RBFOX1: variants seen among roughly 807,000 people sequenced by gnomAD.
RBFOX1 encodes RNA binding protein fox-1 homolog 1.
A neutral mutation model predicts 57.7 loss-of-function variants in RBFOX1; 8 were observed. The ratio of observed to expected loss-of-function variants is 0.14; its 90% CI spans 0.08 to 0.25. The LOEUF (loss-of-function observed/expected upper bound fraction) is 0.25, where lower values mean the gene tolerates loss of function less well. RBFOX1 is among the 10% of genes least tolerant of loss of function. The probability of loss-of-function intolerance (pLI) is 1.00; values close to 1 mark genes in which losing one functional copy is unlikely to be tolerated. For missense variants in RBFOX1, 611 were observed against 548.5 expected, an observed-to-expected ratio of 1.11 and a Z score of -1.14; for synonymous variants, 326 against 222.4, an observed-to-expected ratio of 1.47 and a Z score of -4.15.
intron 4 of RBFOX1, among the ~76,000 whole-genome samples, chr16:7,212,246 C>G (rs959620947): frequency 1.3e-5 from 2 of 152,176 alleles, no homozygotes; most frequent in African/African-American, 2.4e-5. Context: ...GAAGCACAAG[C>G]TACTAAATTT....
Position 7,508,571 on chromosome 16 carries a change from TCA to T in RBFOX1, c.28-9574_28-9573del, listed in dbSNP as rs373476476. ...CTGAAAGGGCTGCTTGTTTTAACTC[TCA>T]CTCTGTGATGCATTGCAGAGATCCC... is the stretch of plus-strand genomic sequence containing the variant. On this transcript the variant is annotated intron_variant, in intron 4 of 15. Transcript: ENST00000550418. 1.5e-4 allele frequency among the ~76,000 whole-genome samples: 23 copies of T among 152,264 alleles called. No homozygotes were observed. The East Asian group carries it at 4.3e-3, about 28-fold the overall frequency.
chr16:6,027,837 A>T (rs1014203801), intron 1 of RBFOX1, among the ~76,000 whole-genome samples: 3 of 152,202 alleles, frequency 2.0e-5, no homozygotes, highest in Non-Finnish European at 4.4e-5. Context: ...AAGGGGGAAG[A>T]ACCCAGCGTA....
intron 4 of RBFOX1, among the ~76,000 whole-genome samples, chr16:7,130,055 C>G (rs1373333157): frequency 1.5e-5 from 2 of 137,258 alleles, no homozygotes; most frequent in Non-Finnish European, 3.1e-5. Context: ...TTTTTTGAGA[C>G]AGAGCCTAGC....
intron 4 of RBFOX1, among the ~76,000 whole-genome samples, chr16:7,144,143 T>C (rs2074413512): frequency 6.6e-6 from 1 of 152,146 alleles, no homozygotes; most frequent in African/African-American, 2.4e-5. Context: ...AATATCTCTC[T>C]AGTTTGCAAA....
At chr16:7,122,451 A>G (rs1367235445) in intron 4 of RBFOX1, among the ~76,000 whole-genome samples, 1 of 152,146 alleles carries the variant, frequency 6.6e-6, no homozygotes, top group Non-Finnish European at 1.5e-5. Context: ...TAAAAAAGAA[A>G]CAAAAAACCG....
At chr16:7,395,090 T>G (rs1298234872) in intron 4 of RBFOX1, among the ~76,000 whole-genome samples, 1 of 152,082 alleles carries the variant, frequency 6.6e-6, no homozygotes, top group Non-Finnish European at 1.5e-5. Context: ...TCAAACCAAT[T>G]TTTTTTTCTC....
At chr16:7,533,672 C>T (rs932674995) in intron 5 of RBFOX1, among the ~76,000 whole-genome samples, 3 of 152,130 alleles carry the variant, frequency 2.0e-5, no homozygotes, top group East Asian at 3.9e-4. Context: ...TTATTATGTA[C>T]TGTACTGAAA....
chr16:5,888,063 C>T (rs1180040490), intron 4 of RBFOX1, among the ~76,000 whole-genome samples: 1 of 152,200 alleles, frequency 6.6e-6, no homozygotes, highest in Non-Finnish European at 1.5e-5. Flanking sequence ...AGACTGCCCT[C>T]CTGCAAGATT....
At chr16:6,987,957 C>T (rs141115976) in intron 3 of RBFOX1, among the ~76,000 whole-genome samples, 1 of 152,016 alleles carries the variant, frequency 6.6e-6, no homozygotes, top group East Asian at 1.9e-4. Context: ...TTACTAAGTG[C>T]CAGCTAGGCA....
chr16:5,519,848 C>A (rs1476120212), intron 2 of RBFOX1, among the ~76,000 whole-genome samples: 1 of 152,140 alleles, frequency 6.6e-6, no homozygotes, highest in Admixed American at 6.5e-5. Flanking sequence ...GCTCATCTTT[C>A]TCATTTATTC....
chr16:5,884,340 C>G (rs372494028), intron 4 of RBFOX1, among the ~76,000 whole-genome samples: 2 of 152,066 alleles, frequency 1.3e-5, no homozygotes, highest in Admixed American at 1.3e-4. Context: ...TGATAGTGTG[C>G]TTTTGAGTCT....
chr16:7,071,798 C>T (rs952814396), intron 4 of RBFOX1, among the ~76,000 whole-genome samples: 3 of 152,004 alleles, frequency 2.0e-5, no homozygotes, highest in Non-Finnish European at 4.4e-5. Flanking sequence ...TCACACTCAT[C>T]ATCTGTGTCT....
intron 2 of RBFOX1, among the ~76,000 whole-genome samples, chr16:6,611,248 G>C (rs185439753): frequency 5.6e-4 from 85 of 152,264 alleles, no homozygotes; most frequent in African/African-American, 2.0e-3. Context: ...CCAGGTTCAA[G>C]CAATTCTCCT....
intron 2 of RBFOX1, among the ~76,000 whole-genome samples, chr16:6,562,659 A>C (rs1248599519): frequency 2.0e-5 from 3 of 152,320 alleles, no homozygotes. Context: ...ATGAGAAAGC[A>C]GCCATGAATC....
intron 1 of RBFOX1, among the ~76,000 whole-genome samples, chr16:6,251,102 G>A (rs1332340742): frequency 2.6e-5 from 4 of 152,142 alleles, no homozygotes; most frequent in African/African-American, 7.2e-5. Flanking sequence ...TATAGCCATT[G>A]TGTTCAGCTC....
intron 4 of RBFOX1, among the ~76,000 whole-genome samples, chr16:5,940,464 C>T (rs569870870): frequency 3.6e-4 from 55 of 152,282 alleles, no homozygotes; most frequent in African/African-American, 1.2e-3. Flanking sequence ...GGTCACCCAC[C>T]TGGAAAACCA....
rs116605196 is a variant in RBFOX1 at position 5,367,847 on chromosome 16, G to A, written c.220-99369G>A. 4.2e-3 allele frequency among the ~76,000 whole-genome samples: 645 copies of A among 152,258 alleles called. 8 individuals carry two copies. The highest frequency in any genetic ancestry group is 0.015 in the African/African-American group (625 of 41,542). ...ACCTGGGTCTGTCTGTCTGTTTGCTGGAGTTAACCTCCAGCAAGAGGAGGT... is the reference window on the plus strand; with the variant it reads ...ACCTGGGTCTGTCTGTCTGTTTGCTAGAGTTAACCTCCAGCAAGAGGAGGT... On this transcript the variant is annotated intron_variant, in intron 1 of 2. Coordinates refer to the RBFOX1 transcript ENST00000585867.
chr16:6,966,771 C>T (rs571015491), intron 3 of RBFOX1, among the ~76,000 whole-genome samples: 14 of 20,584 alleles, frequency 6.8e-4, no homozygotes, highest in Non-Finnish European at 5.1e-4. Context: ...GTCTATCTAT[C>T]TATCTATCTA....
intron 3 of RBFOX1, among the ~76,000 whole-genome samples, chr16:6,800,654 C>G (rs2085198761): frequency 6.6e-6 from 1 of 152,142 alleles, no homozygotes; most frequent in East Asian, 1.9e-4. Flanking sequence ...TTTTTTCTCT[C>G]CCTAAAATTT....
Sources: gnomAD v4.1 joint callset for allele counts (sites outside exome capture counted in the v4.1 genomes callset) on GRCh38, gnomAD v4.1.1 for gene constraint, MANE v1.5 for transcripts, NCBI Gene and HGNC (gene_info 2026-07-23, HGNC 2026-07-21) for gene names.